GDE1: variants seen among roughly 807,000 people sequenced by gnomAD.
GDE1 encodes glycerophosphodiester phosphodiesterase 1.
In GDE1, 24 loss-of-function variants were observed where a neutral mutation model predicts 32.2. The ratio of observed to expected loss-of-function variants is 0.75; its 90% CI spans 0.54 to 1.05. The LOEUF is 1.05. Among genes scored for constraint, GDE1 ranks in the 50% least tolerant of loss-of-function variants. The pLI is 0.00. For missense variants in GDE1, 380 were observed against 415.0 expected (o/e 0.92, Z 0.73); for synonymous variants, 159 against 158.6 (o/e 1.00, Z -0.02).
chr16:19,520,726 T>TAAA (rs761557296), intron 1 of GDE1, among the ~76,000 whole-genome samples: 3 of 54,130 alleles, frequency 5.5e-5, no homozygotes, highest in African/African-American at 1.7e-4. Context: ...CTCTGTAAAG[T>TAAA]AAAAAAAAAA....
chr16:19,515,755 G>A (rs1356985201), intron 2 of GDE1, among the ~76,000 whole-genome samples: 1 of 152,070 alleles, frequency 6.6e-6, no homozygotes, highest in Non-Finnish European at 1.5e-5. Flanking sequence ...AACAGGTCTG[G>A]ATCATCTTTT....
chr16:19,507,793 A>G lies in GDE1; in HGVS notation c.544-14T>C, dbSNP rs752803200. The G allele has an allele frequency of 8.5e-7, 1 of 1,172,896 alleles. No homozygotes were observed. The highest frequency in any genetic ancestry group is 1.3e-6 in the Non-Finnish European group (1 of 788,690). The allele number at this position is 1,172,896 out of a possible 1,614,324, so 72.7% of individuals were successfully genotyped here. ...AGCCTCAGTAGCCTGTAAAATAAAG[A>G]GATTCATATATTTAAAATTGATTAA... On this transcript the variant is annotated splice_polypyrimidine_tract_variant and intron_variant, in intron 3 of 5. Coordinates refer to ENST00000353258, the MANE Select transcript of GDE1 (RefSeq NM_016641.4).
chr16:19,520,706 A>T (rs538594555), intron 1 of GDE1, among the ~76,000 whole-genome samples: 121 of 150,644 alleles, frequency 8.0e-4, no homozygotes, highest in African/African-American at 2.9e-3. Context: ...GCCTGGGTAA[A>T]AGAGTGAGAC....
chr16:19,507,048 AG>A (rs78674223), intron 4 of GDE1, among the ~76,000 whole-genome samples: 19,294 of 151,946 alleles, frequency 0.13, 1,377 homozygotes, highest in Middle Eastern at 0.18. Flanking sequence ...CTGAGGCAGG[AG>A]GATCATTTGA....
At chr16:19,518,258 A>G (rs1381991994) in intron 1 of GDE1, among the ~76,000 whole-genome samples, 4 of 152,216 alleles carry the variant, frequency 2.6e-5, no homozygotes. Flanking sequence ...ACAGTAAAAA[A>G]GATTTAACAT....
chr16:19,511,790 C>T (rs1323270704), intron 2 of GDE1, among the ~76,000 whole-genome samples: 1 of 152,060 alleles, frequency 6.6e-6, no homozygotes, highest in Non-Finnish European at 1.5e-5. Flanking sequence ...TTTTAGCTCC[C>T]ATATATGAGT....
Position 19,507,788 on chromosome 16 carries a change from TAA to T in GDE1, c.544-11_544-10del, listed in dbSNP as rs1170872137. On this transcript the variant is annotated splice_polypyrimidine_tract_variant and intron_variant, in intron 3 of 5. Transcript: ENST00000353258. The stretch of plus-strand genomic sequence containing the variant: ...TTTAGAGCCTCAGTAGCCTGTAAAA[TAA>T]AGAGATTCATATATTTAAAATTGAT... 2 of 1,247,914 alleles carry T rather than the reference TAA, an allele frequency of 1.6e-6. No homozygotes were observed. Among genetic ancestry groups the T allele is most frequent in the African/African-American group, 3.0e-5 (2 of 67,042 alleles). The allele number at this position is 1,247,914 out of a possible 1,614,324, so 77.3% of individuals were successfully genotyped here. A position where few individuals can be genotyped will look rare whatever the true frequency, so the allele number is the denominator to read the frequency against.
rs1325505024 is a variant in GDE1 at position 19,503,629 on chromosome 16, G to GGAAA, written c.849-16_849-13dup. 6.2e-7 allele frequency: 1 copy of GGAAA among 1,611,314 alleles called. No individual in the cohort carries two copies. Among genetic ancestry groups the GGAAA allele is most frequent in the Non-Finnish European group, 8.5e-7 (1 of 1,177,984 alleles). ...TCTTCAAGTAGGCCCTGGGGAAAGA[G>GGAAA]GAAAGCCAATCCTGTTAGAATAATA... On this transcript the variant is annotated splice_polypyrimidine_tract_variant and intron_variant, in intron 5 of 5. Transcript: ENST00000353258.
At chr16:19,517,766 G>T (rs1969399385) in intron 1 of GDE1, among the ~76,000 whole-genome samples, 1 of 152,186 alleles carries the variant, frequency 6.6e-6, no homozygotes, top group African/African-American at 2.4e-5. Flanking sequence ...TATCTAAAAA[G>T]AGAATTTGAA....
intron 2 of GDE1, 137 bp downstream of exon 2, chr16:19,516,877 C>T (rs893949195): frequency 1.6e-6 from 1 of 645,074 alleles, no homozygotes; most frequent in African/African-American, 1.8e-5. Flanking sequence ...GGCACTTGCT[C>T]ATTACTTACA....
intron 4 of GDE1, 132 bp downstream of exon 4, chr16:19,507,555 T>G (rs534693734): frequency 1.6e-6 from 1 of 621,216 alleles, no homozygotes; most frequent in African/African-American, 1.8e-5. Flanking sequence ...CTGGTTAATT[T>G]AAAAGAGGAG....
chr16:19,519,902 C>G (rs1429531141), intron 1 of GDE1, among the ~76,000 whole-genome samples: 1 of 152,134 alleles, frequency 6.6e-6, no homozygotes, highest in Non-Finnish European at 1.5e-5. Flanking sequence ...ATCTTAGCTA[C>G]TTGGGAGCCT....
At chr16:19,515,741 G>C (rs926303123) in intron 2 of GDE1, among the ~76,000 whole-genome samples, 1 of 152,040 alleles carries the variant, frequency 6.6e-6, no homozygotes, top group Non-Finnish European at 1.5e-5. Context: ...TCAGATCCTA[G>C]GAAAACAGGT....
At chr16:19,516,664 T>C (rs563548141) in intron 2 of GDE1, among the ~76,000 whole-genome samples, 2 of 152,324 alleles carry the variant, frequency 1.3e-5, no homozygotes, top group Non-Finnish European at 1.5e-5. Flanking sequence ...TAAGTTAAAA[T>C]GTGATATTAT....
At chr16:19,521,670 G>A in intron 1 of GDE1, 34 bp downstream of exon 1, 1 of 1,603,282 alleles carries the variant, frequency 6.2e-7, no homozygotes, top group South Asian at 1.1e-5. Flanking sequence ...CGAGCTCTCG[G>A]GAGGACCGAG....
Position 19,503,567 on chromosome 16 carries a change from G to A in GDE1, c.899C>T (p.Thr300Ile), listed in dbSNP as rs781574485. The change falls in exon 6 of 6, where the codon ACT (threonine) becomes ATT (isoleucine). Residue 300 changes from threonine (T) to isoleucine (I), a missense_variant. Physicochemically the swap from Thr to Ile is moderately conservative, Grantham distance 89. Transcript: ENST00000353258. ...ACTCTTTTCATCAAAGGTATTAACA[G>A]TCCAACCAACAACCTGGATTCCTTT... is the stretch of plus-strand genomic sequence containing the variant. ...SAKGIQVVGW[T>I]VNTFDEKSYY... is the part of the protein sequence containing the mutation. The A allele has an allele frequency of 2.5e-6, 4 of 1,613,414 alleles. No homozygotes were observed. Among genetic ancestry groups the A allele is most frequent in the Non-Finnish European group, 3.4e-6 (4 of 1,179,302 alleles).
intron 2 of GDE1, among the ~76,000 whole-genome samples, chr16:19,513,848 T>C (rs114022593): frequency 0.018 from 2,693 of 152,316 alleles, 91 homozygotes; most frequent in African/African-American, 0.062. Flanking sequence ...GGGCTGTAAT[T>C]GTGTAAGAAG....
intron 2 of GDE1, among the ~76,000 whole-genome samples, chr16:19,515,246 A>G (rs1329505278): frequency 6.6e-6 from 1 of 152,154 alleles, no homozygotes; most frequent in Non-Finnish European, 1.5e-5. Flanking sequence ...CACACTGAGC[A>G]TAATTCTAGA....
Position 19,517,160 on chromosome 16 carries a change from C to T in GDE1, c.291G>A (p.Glu97=). The T allele has an allele frequency of 1.2e-6, 2 of 1,613,918 alleles. No homozygotes were observed. The highest frequency in any genetic ancestry group is 2.2e-5 in the East Asian group (1 of 44,880). Residue 97 remains glutamate, a synonymous_variant, in exon 2 of 6, where the codon GAG becomes GAA. Coordinates refer to ENST00000353258, the MANE Select transcript of GDE1 (RefSeq NM_016641.4). ...CGTCAGAAGTAAACTCAATGTCCAACTCCACGCCTGTTGCTCCATTCTTAG... is the reference window on the plus strand; with the variant it reads ...CGTCAGAAGTAAACTCAATGTCCAATTCCACGCCTGTTGCTCCATTCTTAG... The part of the protein sequence containing the change: ...QAAKNGATGV[E]LDIEFTSDGI...
Sources: allele counts gnomAD v4.1 joint callset (sites outside exome capture counted in the v4.1 genomes callset), GRCh38; gene constraint gnomAD v4.1.1; transcripts MANE v1.5; gene names NCBI Gene and HGNC (gene_info 2026-07-23, HGNC 2026-07-21).